The following ZNF683 variants were observed in gnomAD, a reference collection of about 807,000 sequenced individuals.
ZNF683 encodes zinc finger protein 683.
ZNF683 carries 20 observed loss-of-function variants against 31.4 expected under a neutral mutation model. That is an observed-to-expected ratio of 0.64 (90% CI 0.45 to 0.93). ZNF683 has a LOEUF of 0.93. ZNF683 is among the 40% of genes least tolerant of loss of function. The pLI, the probability that ZNF683 is intolerant of heterozygous loss-of-function variation, is 0.00. For missense variants in ZNF683, 621 were observed against 637.2 expected (o/e 0.97, Z 0.27); for synonymous variants, 264 against 267.6 (o/e 0.99, Z 0.13).
In ZNF683 at chr1:26,361,843, G is replaced by A. The variant is rs148404699; in HGVS notation, c.1323C>T (p.Pro441=). Residue 441 remains proline (P), a synonymous_variant, in exon 6 of 6, where the codon CCC becomes CCT. Transcript: ENST00000349618. ...QPCGLVHTQL[P]LASLACLAQW... ...GGGCAAGGCAGGCCAGAGAGGCCAG[G>A]GGCAGCTGGGTGTGCACCAGGCCAC... is the stretch of plus-strand genomic sequence containing the variant. The A allele has an allele frequency of 2.5e-6, 4 of 1,614,038 alleles. No homozygotes were observed. In the African/African-American group the frequency reaches 4.0e-5, roughly 16 times the overall value.
chr1:26,364,939 G>A lies in ZNF683; in HGVS notation c.607C>T (p.Pro203Ser). Residue 203 changes from proline to serine, a missense_variant, in exon 4 of 6, where the codon CCC (proline) becomes TCC (serine). Physicochemically the swap from Pro to Ser is moderately conservative, Grantham distance 74 (BLOSUM62 -1). Transcript: ENST00000349618. The part of the protein sequence containing the change: ...YPGYPLLLPP[P>S]HLFTYGALPS... ...AGGGCCCCATAGGTGAACAGGTGGGGTGGAGGCAGGAGAAGTGGGTATCCA... is the reference window on the plus strand; with the variant it reads ...AGGGCCCCATAGGTGAACAGGTGGGATGGAGGCAGGAGAAGTGGGTATCCA... 6.4e-7 allele frequency: 1 copy of A among 1,555,980 alleles called. No individual in the cohort carries two copies. The highest frequency in any genetic ancestry group is 1.3e-5 in the South Asian group (1 of 79,962).
upstream of ZNF683, among the ~76,000 whole-genome samples, chr1:26,373,555 G>A (rs562666358): frequency 1.2e-4 from 18 of 152,210 alleles, no homozygotes; most frequent in Admixed American, 3.3e-4. Context: ...TGGTCCTGGG[G>A]TGTGATATTT....
At chr1:26,366,991 A>G (rs7554240) in intron 3 of ZNF683, among the ~76,000 whole-genome samples, 25,752 of 152,188 alleles carry the variant, frequency 0.17, 3,406 homozygotes, top group African/African-American at 0.37. Context: ...AGGGCTGGGC[A>G]CAGTGGCTCA....
At chr1:26,373,720 A>G (rs2074711914), upstream of ZNF683, among the ~76,000 whole-genome samples, 1 of 152,206 alleles carries the variant, frequency 6.6e-6, no homozygotes, top group African/African-American at 2.4e-5. Context: ...GTAGCTTACA[A>G]CTGATAATTC....
At chr1:26,374,241 T>A (rs1225435590), upstream of ZNF683, 3 of 1,303,012 alleles carry the variant, frequency 2.3e-6, no homozygotes, top group East Asian at 1.1e-4. Flanking sequence ...GGGCACCGAG[T>A]GAAGTTTCCT....
Position 26,367,850 on chromosome 1 carries a change from C to A in ZNF683, c.115-53G>T. The A allele has an allele frequency of 2.1e-6, 3 of 1,400,112 alleles. No homozygotes were observed. In the South Asian group the frequency reaches 4.4e-5, roughly 21 times the overall value. 86.7% of individuals were successfully genotyped at this position (1,400,112 alleles called of 1,614,324 possible). A position where few individuals can be genotyped will look rare whatever the true frequency, so the allele number is the denominator to read the frequency against. ...GGCTGGTGACTGGGACTCCATGGGT[C>A]CCTTAGATGGCCCCTACCCCTATTT... On this transcript the variant is annotated intron_variant, in intron 2 of 5. Transcript: ENST00000349618.
intron 2 of ZNF683, among the ~76,000 whole-genome samples, 197 bp downstream of exon 2, chr1:26,368,261 G>T (rs1205054223): frequency 6.6e-6 from 1 of 152,224 alleles, no homozygotes; most frequent in Non-Finnish European, 1.5e-5. Context: ...TTCCCCACAG[G>T]AGAGTCTGGG....
chr1:26,374,493 A>T, upstream of ZNF683: 1 of 1,148,742 alleles, frequency 8.7e-7, no homozygotes, highest in Non-Finnish European at 1.1e-6. Context: ...CACGTGGAGA[A>T]GCCTCTGCCT....
At chr1:26,372,893 G>T (rs1447015631), upstream of ZNF683, 47 of 1,115,880 alleles carry the variant, frequency 4.2e-5, no homozygotes, top group Admixed American at 4.0e-5. Flanking sequence ...GGCAGAGGCT[G>T]CTCCATGTGG....
intron 2 of ZNF683, 21 bp from the exon 3 acceptor site, chr1:26,367,818 GC>G: frequency 6.5e-7 from 1 of 1,530,258 alleles, no homozygotes; most frequent in East Asian, 2.4e-5. Flanking sequence ...GGGGCAAGGG[GC>G]TTGGGGGCTG....
chr1:26,372,285 GC>G (rs2074687553), intron 1 of ZNF683, among the ~76,000 whole-genome samples: 1 of 152,202 alleles, frequency 6.6e-6, no homozygotes. Context: ...ATGTTTGTGA[GC>G]ATCTCAAGGA....
At chr1:26,369,560 CAGGAGGCTGAGGCAGGAGA>C (rs1274765872) in intron 1 of ZNF683, among the ~76,000 whole-genome samples, 1 of 118,602 alleles carries the variant, frequency 8.4e-6, no homozygotes, top group Non-Finnish European at 1.7e-5. Flanking sequence ...CCCAGCTACT[CAGGAGGCTGAGGCAGGAGA>C]ATCGCTTGAA....
At position 26,362,025 on chromosome 1, in the gene ZNF683, G is replaced by A. The variant is rs781371195; in HGVS notation, c.1144-3C>T. ...CTGCTGAAGCGCTTGTGGCACACCT[G>A]ACGGGAACGAGCACTGGCATCAGCT... On this transcript the variant is annotated splice_polypyrimidine_tract_variant and splice_region_variant and intron_variant, in intron 5 of 5. Transcript: ENST00000349618. 1.2e-6 allele frequency: 2 copies of A among 1,613,880 alleles called. No homozygotes were observed. Among genetic ancestry groups the A allele is most frequent in the Admixed American group, 1.7e-5 (1 of 60,022 alleles).
At chr1:26,369,637 T>C (rs934527281) in intron 1 of ZNF683, among the ~76,000 whole-genome samples, 3 of 149,298 alleles carry the variant, frequency 2.0e-5, no homozygotes, top group Non-Finnish European at 4.4e-5. Flanking sequence ...CACTGCATTC[T>C]AGCCTGGGTG....
chr1:26,361,670 C>G lies in ZNF683; in HGVS notation c.1496G>C (p.Gly499Ala). The change falls in exon 6 of 6, where the codon GGG becomes GCG. Residue 499 changes from glycine to alanine, a missense_variant. Gly to Ala is a moderately conservative substitution (Grantham distance 60, BLOSUM62 0). Transcript: ENST00000349618. ...ACATTTTTAATTGTTCTGGTCCTGC[C>G]CCATCACCAGGGGAGTCCCGGCACT... ...LSSAGTPLVM[G>A]QDQNN The G allele has an allele frequency of 1.2e-6, 2 of 1,612,532 alleles. No homozygotes were observed. The highest frequency in any genetic ancestry group is 2.2e-5 in the South Asian group (2 of 90,902).
rs753500134 is a variant in ZNF683 at position 26,364,958 on chromosome 1, G to A, written c.588C>T (p.Tyr196=). The change falls in exon 4 of 6, where the codon TAC becomes TAT. Residue 196 remains tyrosine, a synonymous_variant. Coordinates refer to ENST00000349618, the MANE Select transcript of ZNF683 (RefSeq NM_001114759.3). The part of the protein sequence containing the change: ...PFLLHAFYPG[Y]PLLLPPPHLF... ...GGTGGGGTGGAGGCAGGAGAAGTGGGTATCCAGGGTAGAAGGCGTGGAGGA... is the reference window on the plus strand; with the variant it reads ...GGTGGGGTGGAGGCAGGAGAAGTGGATATCCAGGGTAGAAGGCGTGGAGGA... The A allele has an allele frequency of 1.3e-6, 2 of 1,563,802 alleles. No individual in the cohort carries two copies. Among genetic ancestry groups the A allele is most frequent in the Non-Finnish European group, 1.7e-6 (2 of 1,158,274 alleles).
Position 26,364,582 on chromosome 1 carries a change from A to G in ZNF683, c.964T>C (p.Tyr322His). The G allele has an allele frequency of 6.2e-7, 1 of 1,613,966 alleles. No individual in the cohort carries two copies. Among genetic ancestry groups the G allele is most frequent in the South Asian group, 1.1e-5 (1 of 91,082 alleles). ...PLKKKNGKIL[Y>H]ECNICGKSFG... ...CTCTTGCCACATATGTTGCACTCGT[A>G]CAGGATTTTGCCATTCTTCTTTTTC... Residue 322 changes from tyrosine (Y) to histidine (H), a missense_variant, in exon 4 of 6, where the codon TAC becomes CAC. Transcript: ENST00000349618.
Position 26,364,732 on chromosome 1 carries a change from G to A in ZNF683, c.814C>T (p.Arg272Ter), listed in dbSNP as rs374469495. The A allele has an allele frequency of 2.0e-5, 33 of 1,613,714 alleles. No homozygotes were observed. The East Asian group carries it at 4.2e-4, about 21-fold the overall frequency. ...GGGGCAGCTCCAGCACCTGGATTTC[G>A]GGCCTGGGAAGGCAGAGCTTGGCCA... ...ASGQALPSQA[R>*]NPGAGAAPTD... The change falls in exon 4 of 6, where the codon CGA becomes TGA. Residue 272 changes from arginine (R) to a stop codon, truncating the protein, a stop_gained. Coordinates refer to ENST00000349618, the MANE Select transcript of ZNF683 (RefSeq NM_001114759.3). LOFTEE classifies it high-confidence loss of function.
intron 3 of ZNF683, 94 bp from the exon 4 acceptor site, chr1:26,365,320 T>C: frequency 7.8e-7 from 1 of 1,281,000 alleles, no homozygotes; most frequent in Non-Finnish European, 1.1e-6. Flanking sequence ...GAGAAAGACC[T>C]CCAGCCTGCG....
Sources: allele counts gnomAD v4.1 joint callset (sites outside exome capture counted in the v4.1 genomes callset), GRCh38; gene constraint gnomAD v4.1.1; transcripts MANE v1.5; gene names NCBI Gene and HGNC (gene_info 2026-07-23, HGNC 2026-07-21).